DMD: variants seen among roughly 807,000 people sequenced by gnomAD.
The protein encoded by DMD is dystrophin.
Under a neutral mutation model 330.1 loss-of-function variants are expected in DMD, and 63 were observed. That is an observed-to-expected ratio of 0.19 (90% CI 0.16 to 0.24). DMD has a LOEUF of 0.24. DMD is among the 10% of genes least tolerant of loss of function. The pLI is 1.00. For missense variants in DMD, 3,344 were observed against 2,684.1 expected (o/e 1.25, Z -5.43); for synonymous variants, 1,223 against 959.8 (o/e 1.27, Z -5.07).
intron 16 of DMD, among the ~76,000 whole-genome samples, chrX:32,564,311 T>C (rs1257789891): frequency 6.3e-5 from 7 of 111,936 alleles, no homozygotes; most frequent in African/African-American, 2.3e-4. Flanking sequence ...AATAACTTTC[T>C]TTATCAAATA....
At chrX:31,201,297 C>T (rs1360989426) in intron 67 of DMD, among the ~76,000 whole-genome samples, 2 of 112,101 alleles carry the variant, frequency 1.8e-5, no homozygotes, top group African/African-American at 3.2e-5. Context: ...TCACTTGAGC[C>T]CAGAGGTCGA....
intron 44 of DMD, among the ~76,000 whole-genome samples, chrX:32,129,728 G>GGAGA (rs775873181): frequency 2.1e-3 from 44 of 21,432 alleles, no homozygotes; most frequent in South Asian, 8.8e-3. Context: ...AGAGAGGGAG[G>GGAGA]GAGAGAGAGA....
intron 44 of DMD, among the ~76,000 whole-genome samples, chrX:32,012,858 G>T (rs1004845246): frequency 3.6e-5 from 4 of 110,945 alleles, no homozygotes; most frequent in African/African-American, 9.8e-5. Context: ...TACAGTCAAC[G>T]TATAGAGTAC....
At chrX:31,161,345 C>A (rs1185292519) in intron 74 of DMD, among the ~76,000 whole-genome samples, 1 of 111,687 alleles carries the variant, frequency 9.0e-6, no homozygotes, top group Non-Finnish European at 1.9e-5. Flanking sequence ...ATTTATATTG[C>A]AGGAATTGTA....
chrX:31,579,342 CAA>C (rs1427339627), intron 55 of DMD, among the ~76,000 whole-genome samples: 3 of 112,289 alleles, frequency 2.7e-5, no homozygotes, highest in African/African-American at 6.5e-5. Flanking sequence ...GATAAAAGTG[CAA>C]AGAGTTCGCT....
chrX:31,412,982 T>C (rs960258364), intron 60 of DMD, among the ~76,000 whole-genome samples: 2 of 112,022 alleles, frequency 1.8e-5, no homozygotes, highest in African/African-American at 6.5e-5. Flanking sequence ...TGTATTTTCA[T>C]GTTATCTTCT....
chrX:33,293,750 A>G (rs1482492004), intron 1 of DMD, among the ~76,000 whole-genome samples: 2 of 111,896 alleles, frequency 1.8e-5, no homozygotes, highest in Non-Finnish European at 3.8e-5. Context: ...GCTAATATTA[A>G]GTATGTGTCC....
chrX:32,424,995 G>A (rs1249882268), intron 29 of DMD, among the ~76,000 whole-genome samples: 1 of 111,255 alleles, frequency 9.0e-6, no homozygotes, highest in Non-Finnish European at 1.9e-5. Context: ...TTTCTATGCG[G>A]CTGTATGTGT....
chrX:32,330,257 T>A (rs974021330), intron 41 of DMD, among the ~76,000 whole-genome samples: 12 of 112,416 alleles, frequency 1.1e-4, no homozygotes, highest in South Asian at 7.3e-4. Context: ...AACTGGATCA[T>A]AAAGGAGGGC....
Position 31,776,426 on chromosome X carries a change from C to T in DMD, c.7310-2234G>A, listed in dbSNP as rs771340798. 1.0e-4 allele frequency among the ~76,000 whole-genome samples: 11 copies of T among 107,946 alleles called. No homozygotes were observed. In the East Asian group the frequency reaches 3.2e-3, roughly 31 times the overall value. The allele number at this position is 107,946 out of a possible 115,157, so 93.7% of individuals were successfully genotyped here. ...TTTTTTCTCCAGACTTACTTCTGAC[C>T]ATGAAAGAAGTACCTAATGAGGTGG... On this transcript the variant is annotated intron_variant, in intron 50 of 78. Transcript: ENST00000357033.
rs139294283 is a variant in DMD, at chrX:32,689,736, G to A, written c.960+8134C>T. On this transcript the variant is annotated intron_variant, in intron 9 of 78. Transcript: ENST00000357033. ...AGATTTATCCTTGGGATACAAGGATGGTTCAACATGAAAATCAATTAGTAT... is the reference window on the plus strand; with the variant it reads ...AGATTTATCCTTGGGATACAAGGATAGTTCAACATGAAAATCAATTAGTAT... Among the ~76,000 whole-genome samples the A allele has an allele frequency of 2.1e-3, 228 of 110,825 alleles. 3 individuals are homozygous for A. Among genetic ancestry groups the A allele is most frequent in the East Asian group, 0.016 (56 of 3,527 alleles).
chrX:31,512,178 GTTGT>G (rs1313936063), intron 55 of DMD, among the ~76,000 whole-genome samples: 3 of 110,773 alleles, frequency 2.7e-5, no homozygotes, highest in African/African-American at 6.5e-5. Context: ...TTTTGATGGG[GTTGT>G]TTGTTTTTTT....
At chrX:32,664,387 A>G (rs747697936) in intron 9 of DMD, among the ~76,000 whole-genome samples, 1,225 of 109,301 alleles carry the variant, frequency 0.011, 25 homozygotes, top group African/African-American at 0.039. Context: ...GACTACAGGC[A>G]CCTGCCACCA....
At position 32,452,389 on chromosome X, in the gene DMD, GA is replaced by G. The variant is rs1433064698; in HGVS notation, c.3603+2272del. 2.8e-3 allele frequency among the ~76,000 whole-genome samples: 44 copies of G among 15,514 alleles called. 2 individuals are homozygous for G. The highest frequency in any genetic ancestry group is 5.7e-3 in the Admixed American group (4 of 704). 13.5% of individuals were successfully genotyped at this position (15,514 alleles called of 115,157 possible). ...GGAAAGGGAAAGGGAAAGGGAAAGG[GA>G]AAGGGAAGGGAAAGGAAAGGGAAAG... On this transcript the variant is annotated intron_variant, in intron 26 of 78. Coordinates refer to ENST00000357033, the MANE Select transcript of DMD (RefSeq NM_004006.3).
At chrX:33,102,280 A>G (rs866783862) in intron 1 of DMD, among the ~76,000 whole-genome samples, 10 of 106,093 alleles carry the variant, frequency 9.4e-5, no homozygotes, top group African/African-American at 3.4e-4. Context: ...GAAACTTCCA[A>G]AGAGGAGATA....
At chrX:31,951,789 A>T (rs1022868479) in intron 45 of DMD, among the ~76,000 whole-genome samples, 2 of 111,706 alleles carry the variant, frequency 1.8e-5, no homozygotes, top group African/African-American at 6.5e-5. Context: ...CTACATATTT[A>T]TCAGTTCTGT....
intron 55 of DMD, among the ~76,000 whole-genome samples, chrX:31,623,350 A>G (rs1390372297): frequency 1.8e-5 from 2 of 110,613 alleles, no homozygotes; most frequent in East Asian, 5.7e-4. Context: ...TGCAACCTCC[A>G]CCTCCTGGGT....
chrX:31,769,024 G>T (rs1193705288), intron 51 of DMD, among the ~76,000 whole-genome samples: 1 of 111,905 alleles, frequency 8.9e-6, no homozygotes, highest in Non-Finnish European at 1.9e-5. Context: ...CAAAATGGAA[G>T]CAGCTCACCA....
chrX:32,575,487 C>G (rs775363048), intron 13 of DMD, among the ~76,000 whole-genome samples: 2 of 112,238 alleles, frequency 1.8e-5, no homozygotes, highest in African/African-American at 6.5e-5. Context: ...CCATAGCGCT[C>G]AAACAGTGAT....
Sources: gnomAD v4.1 joint callset for allele counts (sites outside exome capture counted in the v4.1 genomes callset) on GRCh38, gnomAD v4.1.1 for gene constraint, MANE v1.5 for transcripts, NCBI Gene and HGNC (gene_info 2026-07-23, HGNC 2026-07-21) for gene names.